NKAIN3: variants seen among roughly 807,000 people sequenced by gnomAD.
The protein encoded by NKAIN3 is sodium/potassium transporting ATPase interacting 3, also known as sodium/potassium-transporting ATPase subunit beta-1-interacting protein 3.
Under a neutral mutation model 30.2 loss-of-function variants are expected in NKAIN3, and 25 were observed. That is an observed-to-expected ratio of 0.83 (90% CI 0.60 to 1.16). The LOEUF (loss-of-function observed/expected upper bound fraction) is 1.16. Among genes scored for constraint, NKAIN3 ranks in the 50% most tolerant of loss-of-function variants. NKAIN3 has a pLI of 0.00. For missense variants in NKAIN3, 225 were observed against 254.1 expected, an observed-to-expected ratio of 0.89 and a Z score of 0.78; for synonymous variants, 91 against 89.6, an observed-to-expected ratio of 1.02 and a Z score of -0.09.
At chr8:62,441,254 TG>T (rs1190146791) in intron 1 of NKAIN3, among the ~76,000 whole-genome samples, 2 of 152,144 alleles carry the variant, frequency 1.3e-5, no homozygotes, top group Non-Finnish European at 2.9e-5. Flanking sequence ...TGTGGGATTT[TG>T]TTTTATTTTA....
chr8:62,661,177 T>C (rs980706771), intron 3 of NKAIN3, among the ~76,000 whole-genome samples: 4 of 152,214 alleles, frequency 2.6e-5, no homozygotes, highest in Non-Finnish European at 5.9e-5. Flanking sequence ...TCTTCACTTC[T>C]TGGGTCAGCA....
chr8:62,687,569 C>T (rs745578312), intron 3 of NKAIN3, among the ~76,000 whole-genome samples: 4 of 152,310 alleles, frequency 2.6e-5, no homozygotes, highest in Middle Eastern at 3.4e-3. Context: ...CTCTTGTATT[C>T]CCAAGCCCTC....
intron 1 of NKAIN3, among the ~76,000 whole-genome samples, chr8:62,504,887 G>A (rs551428191): frequency 6.6e-6 from 1 of 152,182 alleles, no homozygotes; most frequent in South Asian, 2.1e-4. Context: ...AGCTATCCAG[G>A]TTAATGACTT....
chr8:62,623,876 C>T (rs1315209785), intron 3 of NKAIN3, among the ~76,000 whole-genome samples: 2 of 152,020 alleles, frequency 1.3e-5, no homozygotes, highest in Non-Finnish European at 2.9e-5. Flanking sequence ...AGAATGGCCA[C>T]AGCAGCAGTG....
intron 3 of NKAIN3, among the ~76,000 whole-genome samples, chr8:62,670,869 A>G (rs1000953484): frequency 1.5e-5 from 2 of 134,458 alleles, no homozygotes; most frequent in African/African-American, 5.7e-5. Flanking sequence ...ATTTTTATGT[A>G]CACATACAAG....
chr8:62,374,417 A>G (rs529165814), intron 1 of NKAIN3, among the ~76,000 whole-genome samples: 55 of 152,342 alleles, frequency 3.6e-4, no homozygotes, highest in African/African-American at 1.3e-3. Context: ...CAAATTATGC[A>G]TTGGCTTCTG....
At chr8:62,339,164 G>C (rs915879637) in intron 1 of NKAIN3, among the ~76,000 whole-genome samples, 4 of 151,986 alleles carry the variant, frequency 2.6e-5, no homozygotes, top group Admixed American at 6.6e-5. Flanking sequence ...GGATGAGGTT[G>C]CTTTGTTTGG....
rs764594612 is a variant in NKAIN3 at position 62,971,889 on chromosome 8, A to T, written c.*6482A>T. On this transcript the variant is annotated 3_prime_UTR_variant, in exon 7 of 7. Coordinates refer to ENST00000623646, the MANE Select transcript of NKAIN3 (RefSeq NM_001304533.3). ...TTCCTTATCTTGTCTTTGTGGTTAGAAAGAAATGAAAATAAATCAGTAGCA... is the reference window on the plus strand; with the variant it reads ...TTCCTTATCTTGTCTTTGTGGTTAGTAAGAAATGAAAATAAATCAGTAGCA... Among the ~76,000 whole-genome samples the T allele has an allele frequency of 6.6e-6, 1 of 152,176 alleles. No individual in the cohort carries two copies. The highest frequency in any genetic ancestry group is 1.5e-5 in the Non-Finnish European group (1 of 68,034).
chr8:62,644,571 C>A (rs2130309617), intron 3 of NKAIN3, among the ~76,000 whole-genome samples: 1 of 152,096 alleles, frequency 6.6e-6, no homozygotes, highest in African/African-American at 2.4e-5. Flanking sequence ...CTTTTAGGAA[C>A]TTTTTAAAGG....
intron 6 of NKAIN3, among the ~76,000 whole-genome samples, chr8:62,956,060 T>C (rs778953166): frequency 1.2e-4 from 19 of 152,234 alleles, no homozygotes; most frequent in Non-Finnish European, 2.5e-4. Flanking sequence ...GAAATCATTG[T>C]GCATGAAACA....
At chr8:62,401,013 TTCTCTCACTC>T (rs986799275) in intron 1 of NKAIN3, among the ~76,000 whole-genome samples, 3 of 143,744 alleles carry the variant, frequency 2.1e-5, no homozygotes, top group African/African-American at 7.5e-5. Context: ...CTTTCTACCT[TTCTCTCACTC>T]TCTCTCTCTC....
intron 1 of NKAIN3, among the ~76,000 whole-genome samples, chr8:62,340,254 A>G (rs1375666695): frequency 1.3e-5 from 2 of 151,972 alleles, no homozygotes; most frequent in African/African-American, 4.8e-5. Context: ...AGCCAGGACT[A>G]TTTATTCCAA....
At chr8:62,957,089 C>G (rs1175361296) in intron 6 of NKAIN3, among the ~76,000 whole-genome samples, 1 of 152,002 alleles carries the variant, frequency 6.6e-6, no homozygotes, top group Non-Finnish European at 1.5e-5. Context: ...CCCAAAGAAG[C>G]TAAAAAGTTT....
At chr8:62,393,548 G>A (rs1414797175) in intron 1 of NKAIN3, among the ~76,000 whole-genome samples, 1 of 151,606 alleles carries the variant, frequency 6.6e-6, no homozygotes, top group East Asian at 1.9e-4. Context: ...ATCTGATTTT[G>A]TTTTTTCTTA....
At chr8:62,482,886 G>A (rs1265920068) in intron 1 of NKAIN3, 2 of 152,276 alleles carry the variant, frequency 1.3e-5, no homozygotes, top group African/African-American at 4.8e-5. Flanking sequence ...TTTTGGAGAA[G>A]GGAGTCAGGA....
At chr8:62,567,621 A>G (rs938212048) in intron 1 of NKAIN3, among the ~76,000 whole-genome samples, 14 of 152,130 alleles carry the variant, frequency 9.2e-5, no homozygotes, top group African/African-American at 3.4e-4. Flanking sequence ...TGGTAGCATG[A>G]GGACTCAGCC....
chr8:62,558,351 A>G (rs777970270), intron 1 of NKAIN3, among the ~76,000 whole-genome samples: 3 of 152,052 alleles, frequency 2.0e-5, no homozygotes, highest in African/African-American at 7.2e-5. Flanking sequence ...TGATGCCTCC[A>G]GATTTGTTCT....
At chr8:62,936,477 A>G (rs57707876) in intron 5 of NKAIN3, among the ~76,000 whole-genome samples, 10,750 of 152,158 alleles carry the variant, frequency 0.071, 389 homozygotes, top group South Asian at 0.13. Flanking sequence ...ACAAATGTCT[A>G]TATAACCAAC....
intron 4 of NKAIN3, among the ~76,000 whole-genome samples, chr8:62,889,470 G>A (rs1056544287): frequency 2.6e-5 from 4 of 152,150 alleles, no homozygotes; most frequent in African/African-American, 7.2e-5. Context: ...ATATAGTATT[G>A]CTGATAAGCT....
Sources: allele counts gnomAD v4.1 joint callset (sites outside exome capture counted in the v4.1 genomes callset), GRCh38; gene constraint gnomAD v4.1.1; transcripts MANE v1.5; gene names NCBI Gene and HGNC (gene_info 2026-07-23, HGNC 2026-07-21).